The following AKT1 variants were observed in gnomAD, a reference collection of about 807,000 sequenced individuals.
The protein encoded by AKT1 is RAC-alpha serine/threonine-protein kinase.
AKT1 carries 21 observed loss-of-function variants against 63.1 expected under a neutral mutation model. That is an observed-to-expected ratio of 0.33 (90% CI 0.24 to 0.48). AKT1 has a LOEUF of 0.48. Ranked by LOEUF, AKT1 falls within the 20% of genes least tolerant of loss-of-function variation. The pLI is 0.99. For synonymous variants in AKT1, 257 were observed against 253.1 expected (o/e 1.02, Z -0.15); for missense variants, 382 against 666.0 (o/e 0.57, Z 4.69).
chr14:104,792,460 G>C lies in AKT1; in HGVS notation c.46+138C>G, dbSNP rs1893676938. The C allele has an allele frequency of 5.2e-6, 5 of 968,200 alleles. No individual in the cohort carries two copies. In the Admixed American group the frequency reaches 7.3e-5, roughly 14 times the overall value. 60.0% of individuals were successfully genotyped at this position (968,200 alleles called of 1,614,324 possible). On this transcript the variant is annotated intron_variant, in intron 3 of 14. Transcript: ENST00000649815. ...TGCCATGGGAAGACATGGGGCCCAG[G>C]ACACTCACCCTAGGCCAGCCCAGGA...
rs1296782302 is a variant in AKT1 at position 104,776,668 on chromosome 14, G to C, written c.278C>G (p.Pro93Arg). The C allele has an allele frequency of 6.2e-7, 1 of 1,613,094 alleles. No homozygotes were observed. The highest frequency in any genetic ancestry group is 2.2e-5 in the East Asian group (1 of 44,874). Residue 93 changes from proline to arginine, a missense_variant, in exon 5 of 15, where the codon CCT becomes CGT. By Grantham distance (103) the Pro-to-Arg change is moderately radical (BLOSUM62 -2). Coordinates refer to ENST00000649815, the MANE Select transcript of AKT1 (RefSeq NM_001382430.1). The stretch of plus-strand genomic sequence containing the variant: ...GCCACAGCCCACGTACCGCTCCTCA[G>C]GAGTCTCCACATGGAAGGTGCGTTC... ...VIERTFHVET[P>R]EEREEWTTAI...
At chr14:104,776,053 CAGGA>C (rs1892687903) in intron 5 of AKT1, 2 of 428,188 alleles carry the variant, frequency 4.7e-6, no homozygotes, top group African/African-American at 4.2e-5. Flanking sequence ...CAACCCCCAG[CAGGA>C]CTCCGCCCCC....
chr14:104,781,501 A>C (rs536264194), intron 3 of AKT1, among the ~76,000 whole-genome samples: 436 of 152,300 alleles, frequency 2.9e-3, no homozygotes, highest in South Asian at 6.8e-3. Context: ...TGGGCATCCC[A>C]GCAGGCATTC....
At chr14:104,787,080 ACAGCG>A (rs1208352109) in intron 3 of AKT1, among the ~76,000 whole-genome samples, 2 of 152,126 alleles carry the variant, frequency 1.3e-5, no homozygotes, top group African/African-American at 4.8e-5. Context: ...GAGCCCAAAC[ACAGCG>A]CCCCAAGGAT....
chr14:104,792,033 C>G (rs1223408970), intron 3 of AKT1, among the ~76,000 whole-genome samples: 1 of 152,148 alleles, frequency 6.6e-6, no homozygotes, highest in Non-Finnish European at 1.5e-5. Flanking sequence ...GCTGGCCAGG[C>G]CCCTCGGGCA....
At chr14:104,777,618 C>T (rs557847753) in intron 4 of AKT1, 317 of 991,394 alleles carry the variant, frequency 3.2e-4, no homozygotes, top group South Asian at 8.9e-4. Context: ...GCTGTGGGAA[C>T]GTGCGGGGCC....
At chr14:104,774,736 G>A (rs1020786292) in intron 8 of AKT1, 1 of 613,228 alleles carries the variant, frequency 1.6e-6, no homozygotes, top group Non-Finnish European at 2.8e-6. Flanking sequence ...GCCCGCACAC[G>A]GGAGCAGCGA....
chr14:104,773,662 G>T, intron 9 of AKT1, 82 bp from the exon 10 acceptor site: 1 of 1,527,754 alleles, frequency 6.5e-7, no homozygotes, highest in Admixed American at 2.0e-5. Flanking sequence ...TCTCAGACCG[G>T]GTCTCGGCAT....
At chr14:104,786,720 TG>T (rs1893351464) in intron 3 of AKT1, among the ~76,000 whole-genome samples, 1 of 152,084 alleles carries the variant, frequency 6.6e-6, no homozygotes, top group South Asian at 2.1e-4. Context: ...CACGGCCAGC[TG>T]TGGAGGGTGC....
Position 104,773,454 on chromosome 14 carries a change from C to T in AKT1, c.828+1G>A. ...GCCCCCCTGCCTGCCCGCCAGCGCACCTTGAGGTCCCGGTACACCACGTTC... is the reference window on the plus strand; with the variant it reads ...GCCCCCCTGCCTGCCCGCCAGCGCATCTTGAGGTCCCGGTACACCACGTTC... On this transcript the variant is annotated splice_donor_variant, in intron 10 of 14. Transcript: ENST00000649815. LOFTEE classifies it high-confidence loss of function. 1 of 1,613,968 alleles carries T rather than the reference C, an allele frequency of 6.2e-7. No homozygotes were observed. Among genetic ancestry groups the T allele is most frequent in the Non-Finnish European group, 8.5e-7 (1 of 1,179,914 alleles).
intron 3 of AKT1, among the ~76,000 whole-genome samples, chr14:104,781,427 C>T (rs1186747518): frequency 6.6e-6 from 1 of 152,206 alleles, no homozygotes. Flanking sequence ...GTCCAGCCCT[C>T]CCTGGTGCAC....
At chr14:104,784,573 G>A (rs1893237364) in intron 3 of AKT1, among the ~76,000 whole-genome samples, 1 of 152,164 alleles carries the variant, frequency 6.6e-6, no homozygotes, top group African/African-American at 2.4e-5. Flanking sequence ...GCACCCCCAG[G>A]GAAAGAGGGT....
chr14:104,772,511 C>G, intron 12 of AKT1, 59 bp from the exon 13 acceptor site: 1 of 1,560,470 alleles, frequency 6.4e-7, no homozygotes, highest in South Asian at 1.1e-5. Context: ...GCCCTGGGTT[C>G]AGGCCCCTTC....
intron 9 of AKT1, 99 bp downstream of exon 9, chr14:104,773,813 C>T: frequency 7.5e-7 from 1 of 1,333,516 alleles, no homozygotes; most frequent in Admixed American, 2.0e-5. Flanking sequence ...GGAGCACCGT[C>T]TGGTGCCATG....
At chr14:104,776,503 C>G in intron 5 of AKT1, 156 bp downstream of exon 5, 1 of 617,110 alleles carries the variant, frequency 1.6e-6, no homozygotes, top group Middle Eastern at 3.5e-4. Flanking sequence ...ACAGGCAGGA[C>G]TGGGCCAGTT....
chr14:104,775,835 A>G (rs1240040350), intron 5 of AKT1, 36 bp from the exon 6 acceptor site: 1 of 1,605,452 alleles, frequency 6.2e-7, no homozygotes, highest in Non-Finnish European at 8.5e-7. Flanking sequence ...GGCCTGTACC[A>G]GATCAGGAGC....
intron 8 of AKT1, chr14:104,774,259 C>T (rs1595243890): frequency 2.0e-6 from 1 of 506,904 alleles, no homozygotes; most frequent in East Asian, 3.4e-5. Flanking sequence ...CACCACACTG[C>T]CTCATGCCAC....
chr14:104,781,516 T>C (rs1052200550), intron 3 of AKT1, among the ~76,000 whole-genome samples: 1 of 152,062 alleles, frequency 6.6e-6, no homozygotes, highest in African/African-American at 2.4e-5. Flanking sequence ...GCATTCTACT[T>C]TCCAGGGAGC....
chr14:104,782,792 G>T (rs1392343661), intron 3 of AKT1, among the ~76,000 whole-genome samples: 1 of 152,158 alleles, frequency 6.6e-6, no homozygotes, highest in Admixed American at 6.5e-5. Flanking sequence ...CCCTCCAGGG[G>T]AGGAGCAGGA....
Sources: allele counts gnomAD v4.1 joint callset (sites outside exome capture counted in the v4.1 genomes callset), GRCh38; gene constraint gnomAD v4.1.1; transcripts MANE v1.5; gene names NCBI Gene and HGNC (gene_info 2026-07-23, HGNC 2026-07-21).